Variants in KCNJ3 observed in about 807,000 individuals in gnomAD.
KCNJ3 encodes potassium inwardly rectifying channel subfamily J member 3, also known as G protein-activated inward rectifier potassium channel 1.
KCNJ3 carries 4 observed loss-of-function variants against 39.2 expected under a neutral mutation model. The observed-to-expected ratio is 0.10, with a 90% CI of 0.05 to 0.23. The LOEUF is 0.23. Ranked by LOEUF, KCNJ3 falls within the 10% of genes least tolerant of loss-of-function variation. The pLI is 1.00. For missense variants in KCNJ3, 276 were observed against 634.9 expected, an observed-to-expected ratio of 0.43 and a Z score of 6.08; for synonymous variants, 230 against 237.4, an observed-to-expected ratio of 0.97 and a Z score of 0.29.
chr2:154,803,600 T>G (rs958399349), intron 2 of KCNJ3, among the ~76,000 whole-genome samples: 2 of 151,980 alleles, frequency 1.3e-5, no homozygotes, highest in African/African-American at 4.8e-5. Flanking sequence ...CAAATTATTG[T>G]ATCCCTTTAA....
At chr2:154,746,706 A>G (rs1021819543) in intron 2 of KCNJ3, among the ~76,000 whole-genome samples, 2 of 150,534 alleles carry the variant, frequency 1.3e-5, no homozygotes, top group African/African-American at 4.9e-5. Context: ...CAATTTTGAA[A>G]TTTATTTGGA....
At chr2:154,800,425 C>A (rs556458072) in intron 2 of KCNJ3, among the ~76,000 whole-genome samples, 1 of 152,070 alleles carries the variant, frequency 6.6e-6, no homozygotes, top group Non-Finnish European at 1.5e-5. Flanking sequence ...AAATGGAGGA[C>A]GGGATGTAGA....
intron 2 of KCNJ3, among the ~76,000 whole-genome samples, chr2:154,851,360 C>A (rs1687753098): frequency 6.6e-6 from 1 of 152,088 alleles, no homozygotes; most frequent in African/African-American, 2.4e-5. Context: ...TATTAAGGCA[C>A]CTTACTAATT....
intron 2 of KCNJ3, among the ~76,000 whole-genome samples, chr2:154,816,181 A>G (rs953798142): frequency 6.6e-6 from 1 of 152,230 alleles, no homozygotes; most frequent in Non-Finnish European, 1.5e-5. Flanking sequence ...ATTACTTAAC[A>G]TGATCAAACA....
chr2:154,776,822 T>C (rs1686343927), intron 2 of KCNJ3, among the ~76,000 whole-genome samples: 1 of 152,110 alleles, frequency 6.6e-6, no homozygotes, highest in Admixed American at 6.6e-5. Flanking sequence ...TTATCTTTGG[T>C]CTTTATTTTT....
At chr2:154,793,277 C>T (rs150555582) in intron 2 of KCNJ3, among the ~76,000 whole-genome samples, 1 of 152,026 alleles carries the variant, frequency 6.6e-6, no homozygotes, top group Non-Finnish European at 1.5e-5. Flanking sequence ...CTTTTCACGA[C>T]TTCTCTTTGC....
At chr2:154,717,033 G>A (rs1374011717) in intron 2 of KCNJ3, among the ~76,000 whole-genome samples, 1 of 152,190 alleles carries the variant, frequency 6.6e-6, no homozygotes, top group Admixed American at 6.5e-5. Flanking sequence ...GGCTACAGCA[G>A]GGACCTAGAG....
intron 2 of KCNJ3, among the ~76,000 whole-genome samples, chr2:154,846,477 T>C (rs1486071619): frequency 6.6e-6 from 1 of 152,160 alleles, no homozygotes; most frequent in Non-Finnish European, 1.5e-5. Context: ...ACAATAACCA[T>C]ATACATTATA....
rs145771726 is a variant in KCNJ3, at chr2:154,823,103, A to G, written c.920-31624A>G. Among the ~76,000 whole-genome samples the G allele has an allele frequency of 5.5e-3, 836 of 152,184 alleles. 10 individuals are homozygous for G. Among genetic ancestry groups the G allele is most frequent in the African/African-American group, 0.018 (749 of 41,546 alleles). Reference sequence around the variant, plus strand: ...ACATTGTTTGACTACTGGGAACCGAAACAGATGTTTCTAATAATTTACATT... The same window carrying G: ...ACATTGTTTGACTACTGGGAACCGAGACAGATGTTTCTAATAATTTACATT... On this transcript the variant is annotated intron_variant, in intron 2 of 2. Coordinates refer to ENST00000295101, the MANE Select transcript of KCNJ3 (RefSeq NM_002239.4).
intron 2 of KCNJ3, among the ~76,000 whole-genome samples, chr2:154,790,943 A>G (rs1488406897): frequency 6.6e-6 from 1 of 152,040 alleles, no homozygotes; most frequent in African/African-American, 2.4e-5. Context: ...GAGATTACCA[A>G]TATTTGTGTT....
chr2:154,761,973 A>T (rs1054313166), intron 2 of KCNJ3, among the ~76,000 whole-genome samples: 1 of 151,776 alleles, frequency 6.6e-6, no homozygotes, highest in Non-Finnish European at 1.5e-5. Context: ...GAGTCCTTAT[A>T]AAAAAAAAGT....
At chr2:154,734,960 C>T (rs1351738133) in intron 2 of KCNJ3, among the ~76,000 whole-genome samples, 2 of 152,112 alleles carry the variant, frequency 1.3e-5, no homozygotes, top group Admixed American at 1.3e-4. Flanking sequence ...ATTTTTTCCT[C>T]CCACATCAAA....
intron 2 of KCNJ3, among the ~76,000 whole-genome samples, chr2:154,719,002 T>A (rs988906213): frequency 6.6e-6 from 1 of 152,164 alleles, no homozygotes; most frequent in Non-Finnish European, 1.5e-5. Context: ...TGCGTCATAG[T>A]GCAGTTACAA....
At chr2:154,815,453 T>C (rs1362952380) in intron 2 of KCNJ3, among the ~76,000 whole-genome samples, 1 of 152,216 alleles carries the variant, frequency 6.6e-6, no homozygotes, top group African/African-American at 2.4e-5. Flanking sequence ...GACATTAATA[T>C]TGATTGTGCA....
chr2:154,799,973 G>T (rs951696246), intron 2 of KCNJ3, among the ~76,000 whole-genome samples: 2 of 152,122 alleles, frequency 1.3e-5, no homozygotes, highest in Non-Finnish European at 2.9e-5. Flanking sequence ...CTGGAGAGTG[G>T]GTTGAAATTT....
chr2:154,711,325 C>T (rs980106993), intron 2 of KCNJ3, among the ~76,000 whole-genome samples: 2 of 151,940 alleles, frequency 1.3e-5, no homozygotes, highest in Non-Finnish European at 2.9e-5. Flanking sequence ...ACAGATGTTG[C>T]CATTTTTATT....
intron 2 of KCNJ3, among the ~76,000 whole-genome samples, chr2:154,825,366 C>T (rs1314907197): frequency 1.3e-5 from 2 of 152,092 alleles, no homozygotes; most frequent in African/African-American, 2.4e-5. Context: ...GAGTGGGAAT[C>T]TAACCTGTTT....
chr2:154,774,243 T>C (rs1362584406), intron 2 of KCNJ3, among the ~76,000 whole-genome samples: 4 of 152,190 alleles, frequency 2.6e-5, no homozygotes, highest in Non-Finnish European at 5.9e-5. Flanking sequence ...AAGGAGATTT[T>C]ATAGAATAGA....
chr2:154,833,676 T>G (rs1244907169), intron 2 of KCNJ3, among the ~76,000 whole-genome samples: 1 of 152,212 alleles, frequency 6.6e-6, no homozygotes, highest in Non-Finnish European at 1.5e-5. Context: ...CCTAAAAATC[T>G]CTGGTATTCT....
Sources: gnomAD v4.1 joint callset for allele counts (sites outside exome capture counted in the v4.1 genomes callset) on GRCh38, gnomAD v4.1.1 for gene constraint, MANE v1.5 for transcripts, NCBI Gene and HGNC (gene_info 2026-07-23, HGNC 2026-07-21) for gene names.